DGKH: variants seen among roughly 807,000 people sequenced by gnomAD.
DGKH encodes diacylglycerol kinase eta.
DGKH carries 90 observed loss-of-function variants against 159.3 expected under a neutral mutation model. The observed-to-expected ratio is 0.57, with a 90% CI of 0.48 to 0.67. The LOEUF is 0.67. DGKH is among the 30% of genes least tolerant of loss of function. The pLI is 0.00. For missense variants in DGKH, 1,181 were observed against 1,506.1 expected (o/e 0.78, Z 3.57); for synonymous variants, 536 against 553.8 (o/e 0.97, Z 0.45).
intron 1 of DGKH, among the ~76,000 whole-genome samples, chr13:42,107,544 G>A (rs1365217934): frequency 6.6e-6 from 1 of 152,198 alleles, no homozygotes; most frequent in Non-Finnish European, 1.5e-5. Context: ...TCTGGAGGGA[G>A]GGAGGGAGTA....
chr13:42,121,095 T>TGC (rs1955061964), intron 1 of DGKH, among the ~76,000 whole-genome samples: 1 of 83,558 alleles, frequency 1.2e-5, no homozygotes, highest in Admixed American at 9.7e-5. Flanking sequence ...ACACACAACA[T>TGC]GCGCACACAC....
chr13:42,135,463 C>G (rs1170689217), intron 3 of DGKH, among the ~76,000 whole-genome samples: 3 of 118,800 alleles, frequency 2.5e-5, no homozygotes, highest in Non-Finnish European at 5.1e-5. Flanking sequence ...GCACTCCAGT[C>G]TGGGTGGCAG....
At position 42,077,761 on chromosome 13, in the gene DGKH, G is replaced by T. The variant is rs117879552; in HGVS notation, c.192+28796G>T. ...AATAAAAGAGACAGCTGACCATCCA[G>T]ATTTAAAGGCTGTCTACTTCCATTC... On this transcript the variant is annotated intron_variant, in intron 1 of 29. Coordinates refer to ENST00000337343, the MANE Select transcript of DGKH (RefSeq NM_178009.5). 2.8e-3 allele frequency among the ~76,000 whole-genome samples: 427 copies of T among 152,306 alleles called. 4 individuals carry two copies. The highest frequency in any genetic ancestry group is 4.6e-3 in the Non-Finnish European group (312 of 68,010).
At chr13:42,196,664 G>A (rs901381520) in intron 17 of DGKH, among the ~76,000 whole-genome samples, 5 of 152,172 alleles carry the variant, frequency 3.3e-5, no homozygotes, top group African/African-American at 7.2e-5. Context: ...TGGGTACACC[G>A]TTACTTTGCA....
chr13:42,094,645 T>C (rs1954486658), intron 1 of DGKH, among the ~76,000 whole-genome samples: 2 of 152,222 alleles, frequency 1.3e-5, no homozygotes, highest in Admixed American at 6.5e-5. Flanking sequence ...ACGTACAACA[T>C]TGTACCATTT....
At chr13:42,093,123 A>G (rs532187684) in intron 1 of DGKH, among the ~76,000 whole-genome samples, 1 of 152,132 alleles carries the variant, frequency 6.6e-6, no homozygotes, top group South Asian at 2.1e-4. Flanking sequence ...ACACACTTGT[A>G]GTCCCAGCTG....
chr13:42,243,643 C>T (rs1958552514), downstream of DGKH, among the ~76,000 whole-genome samples: 1 of 152,098 alleles, frequency 6.6e-6, no homozygotes, highest in Admixed American at 6.6e-5. Flanking sequence ...TTCAGGGGCA[C>T]CTTCCTGGAT....
At chr13:42,106,494 C>T (rs573005377) in intron 1 of DGKH, among the ~76,000 whole-genome samples, 7 of 152,084 alleles carry the variant, frequency 4.6e-5, no homozygotes, top group Non-Finnish European at 8.8e-5. Context: ...ACATCCAGGA[C>T]GTAGGAAAAG....
In DGKH at chr13:42,155,733, C is replaced by T; in HGVS notation, c.556C>T (p.Pro186Ser). Residue 186 changes from proline (P) to serine (S), a missense_variant, in exon 5 of 30, where the codon CCC becomes TCC. Pro to Ser is a moderately conservative substitution (Grantham distance 74). This residue lies in a region of DGKH where 369 missense variants were observed against 519.4 expected (regional missense o/e 0.71). Coordinates refer to ENST00000337343, the MANE Select transcript of DGKH (RefSeq NM_178009.5). ...CTGGTACGCCTGCTCCCACGCCCGA[C>T]CCACCTTCTGTAACGTGTGCAGAGA... ...HNWYACSHAR[P>S]TFCNVCRESL... The T allele has an allele frequency of 6.2e-7, 1 of 1,614,124 alleles. No homozygotes were observed. The highest frequency in any genetic ancestry group is 8.5e-7 in the Non-Finnish European group (1 of 1,180,038).
intron 26 of DGKH, among the ~76,000 whole-genome samples, chr13:42,217,443 A>G (rs2209515): frequency 0.14 from 20,560 of 151,410 alleles, 1,741 homozygotes; most frequent in Admixed American, 0.23. Context: ...GAATTTCACT[A>G]TGTTGGCCAG....
At chr13:42,154,661 T>TCATAAATCATTAAATAGA (rs1479542437) in intron 3 of DGKH, among the ~76,000 whole-genome samples, 6 of 152,286 alleles carry the variant, frequency 3.9e-5, no homozygotes, top group South Asian at 2.1e-4. Context: ...GGAAGAATCT[T>TCATAAATCATTAAATAGA]CATAAATCAT....
At position 42,054,733 on chromosome 13, in the gene DGKH, C is replaced by G. The variant is rs1196819223; in HGVS notation, c.192+5768C>G. Among the ~76,000 whole-genome samples the G allele has an allele frequency of 2.0e-5, 3 of 152,190 alleles. No individual in the cohort carries two copies. The East Asian group carries it at 5.8e-4, about 29-fold the overall frequency. On this transcript the variant is annotated intron_variant, in intron 1 of 29. Coordinates refer to ENST00000337343, the MANE Select transcript of DGKH (RefSeq NM_178009.5). ...TACTTGAAAATTGCTAAGAGTAGATCTTAAATGTTCTCACCCACAAAAAAT... is the reference window on the plus strand; with the variant it reads ...TACTTGAAAATTGCTAAGAGTAGATGTTAAATGTTCTCACCCACAAAAAAT...
In DGKH at chr13:42,114,826, C is replaced by T. The variant is rs1286710774; in HGVS notation, c.193-12637C>T. ...GTGCAATAATTTATCCAAATAGAAG[C>T]ATTAGGCCCTTGTCCAGGATTGTCT... On this transcript the variant is annotated intron_variant, in intron 1 of 29. Coordinates refer to ENST00000337343, the MANE Select transcript of DGKH (RefSeq NM_178009.5). 2.0e-5 allele frequency among the ~76,000 whole-genome samples: 3 copies of T among 152,158 alleles called. No homozygotes were observed. The East Asian group carries it at 5.8e-4, about 29-fold the overall frequency.
chr13:42,157,408 A>G (rs1424755681), intron 5 of DGKH, among the ~76,000 whole-genome samples: 3 of 152,238 alleles, frequency 2.0e-5, no homozygotes, highest in Non-Finnish European at 4.4e-5. Flanking sequence ...TAGTGGAATG[A>G]CTGAGTATTT....
intron 1 of DGKH, among the ~76,000 whole-genome samples, chr13:42,065,033 A>G (rs867534813): frequency 1.4e-4 from 21 of 152,332 alleles, no homozygotes; most frequent in South Asian, 8.3e-4. Flanking sequence ...TTAAGGAGAT[A>G]AAACCTTCAG....
At chr13:42,212,206 C>T (rs1004847726) in intron 24 of DGKH, among the ~76,000 whole-genome samples, 3 of 152,148 alleles carry the variant, frequency 2.0e-5, no homozygotes, top group Non-Finnish European at 4.4e-5. Flanking sequence ...TCCTTACTCT[C>T]TTTAAATATT....
intron 1 of DGKH, among the ~76,000 whole-genome samples, chr13:42,065,496 T>C (rs1344355581): frequency 6.6e-6 from 1 of 152,242 alleles, no homozygotes; most frequent in Non-Finnish European, 1.5e-5. Context: ...ATCAACTCCT[T>C]CATTGTCATT....
At chr13:42,118,642 T>C (rs1358001447) in intron 1 of DGKH, among the ~76,000 whole-genome samples, 2 of 152,180 alleles carry the variant, frequency 1.3e-5, no homozygotes, top group Non-Finnish European at 2.9e-5. Context: ...CCAGGGCTAA[T>C]GGTGCTGGAT....
chr13:42,163,140 A>G (rs904119565), intron 7 of DGKH, among the ~76,000 whole-genome samples: 2 of 150,174 alleles, frequency 1.3e-5, no homozygotes, highest in African/African-American at 4.9e-5. Context: ...GCTATAGTTT[A>G]CTGAGAATGA....
Sources: gnomAD v4.1 joint callset for allele counts (sites outside exome capture counted in the v4.1 genomes callset) on GRCh38, gnomAD v4.1.1 for gene constraint, gnomAD v4.1.1 regional missense constraint, MANE v1.5 for transcripts, NCBI Gene and HGNC (gene_info 2026-07-23, HGNC 2026-07-21) for gene names.